The following DNAJC27 variants were observed in gnomAD, a reference collection of about 807,000 sequenced individuals.
DNAJC27 encodes dnaJ homolog subfamily C member 27.
DNAJC27 carries 25 observed loss-of-function variants against 31.4 expected under a neutral mutation model. The ratio of observed to expected loss-of-function variants is 0.80; its 90% confidence interval spans 0.58 to 1.11. The LOEUF is 1.11. Among genes scored for constraint, DNAJC27 ranks in the 50% most tolerant of loss-of-function variants. The pLI, the probability that DNAJC27 is intolerant of heterozygous loss-of-function variation, is 0.00. For synonymous variants in DNAJC27, 106 were observed against 112.7 expected (o/e 0.94, Z 0.37); for missense variants, 356 against 347.3 (o/e 1.02, Z -0.20).
rs1373028778 is a variant in DNAJC27, at chr2:24,947,624, T to C, written c.814A>G (p.Ile272Val). 1.1e-5 allele frequency: 17 copies of C among 1,604,082 alleles called. No homozygotes were observed. Among genetic ancestry groups the C allele is most frequent in the African/African-American group, 1.3e-5 (1 of 74,844 alleles). The part of the protein sequence containing the change: ...VNARTALLKN[I>V]K ...GCTTTTTTCTGTACTTTCTACTTGA[T>C]GTTTTTCAGGAGGGCTGTCCGAGCA... is the stretch of plus-strand genomic sequence containing the variant. The change falls in exon 7 of 7, where the codon ATC (isoleucine) becomes GTC (valine). Residue 272 changes from isoleucine (I) to valine (V), a missense_variant. Coordinates refer to ENST00000264711, the MANE Select transcript of DNAJC27 (RefSeq NM_016544.3).
intron 2 of DNAJC27, among the ~76,000 whole-genome samples, chr2:24,965,412 C>T (rs999836062): frequency 3.3e-5 from 5 of 151,740 alleles, no homozygotes; most frequent in South Asian, 2.1e-4. Context: ...ACTGCCACCA[C>T]GTCCGGCTAA....
At chr2:24,949,109 T>C (rs983032563) in intron 6 of DNAJC27, among the ~76,000 whole-genome samples, 2 of 152,230 alleles carry the variant, frequency 1.3e-5, no homozygotes, top group South Asian at 4.1e-4. Context: ...TGAATTTTCT[T>C]GTTCTAGCAA....
chr2:24,951,107 G>T (rs1665764383), intron 6 of DNAJC27, among the ~76,000 whole-genome samples: 1 of 152,200 alleles, frequency 6.6e-6, no homozygotes. Flanking sequence ...ATTCTCTTTT[G>T]TTAGTTCTTT....
At chr2:24,970,902 C>T (rs1355586845) in intron 1 of DNAJC27, among the ~76,000 whole-genome samples, 1 of 152,196 alleles carries the variant, frequency 6.6e-6, no homozygotes, top group African/African-American at 2.4e-5. Flanking sequence ...ATTTACTGAG[C>T]ATCTCCTGGG....
At chr2:24,947,797 C>G in intron 6 of DNAJC27, 49 bp from the exon 7 acceptor site, 2 of 1,580,294 alleles carry the variant, frequency 1.3e-6, no homozygotes, top group Non-Finnish European at 1.7e-6. Context: ...CAGCCCAACC[C>G]ACTGCATGTT....
chr2:24,962,466 G>C (rs942295606), intron 3 of DNAJC27, among the ~76,000 whole-genome samples: 1 of 152,108 alleles, frequency 6.6e-6, no homozygotes, highest in East Asian at 1.9e-4. Flanking sequence ...ATGTTGGCCA[G>C]GCTGGTCTCG....
intron 3 of DNAJC27, among the ~76,000 whole-genome samples, chr2:24,962,146 A>T (rs1666056183): frequency 6.6e-6 from 1 of 152,194 alleles, no homozygotes; most frequent in Non-Finnish European, 1.5e-5. Flanking sequence ...GAATCAAACT[A>T]GAAATCAGTA....
At position 24,957,176 on chromosome 2, in the gene DNAJC27, A is replaced by C; in HGVS notation, c.406-11T>G. On this transcript the variant is annotated splice_polypyrimidine_tract_variant and intron_variant, in intron 4 of 6. Transcript: ENST00000264711. ...TTTGGTACAATCAATCTGAAATAGA[A>C]GGGGCGGGGGACAGAGAGAAGATTA... 6.3e-7 allele frequency: 1 copy of C among 1,589,460 alleles called. No individual in the cohort carries two copies. The highest frequency in any genetic ancestry group is 8.5e-7 in the Non-Finnish European group (1 of 1,171,388).
intron 2 of DNAJC27, among the ~76,000 whole-genome samples, chr2:24,964,745 A>T (rs1267069193): frequency 1.3e-5 from 2 of 152,222 alleles, no homozygotes; most frequent in Non-Finnish European, 2.9e-5. Flanking sequence ...TAGTCTGTTG[A>T]CTATACCATG....
chr2:24,967,589 A>T (rs1666220718), intron 1 of DNAJC27, among the ~76,000 whole-genome samples: 1 of 151,996 alleles, frequency 6.6e-6, no homozygotes, highest in Non-Finnish European at 1.5e-5. Context: ...AATCCCAGCT[A>T]CTCGGGAAGC....
intron 3 of DNAJC27, 92 bp from the exon 4 acceptor site, chr2:24,958,066 T>C: frequency 8.4e-7 from 1 of 1,196,172 alleles, no homozygotes; most frequent in Non-Finnish European, 1.2e-6. Flanking sequence ...GTGTGTTCTT[T>C]TGTGTATTCT....
chr2:24,958,563 G>A, intron 3 of DNAJC27: 2 of 420,748 alleles, frequency 4.8e-6, no homozygotes, highest in South Asian at 3.7e-5. Context: ...TGTGATCTTG[G>A]GCAAGTCACT....
rs997339813 is a variant in DNAJC27, at chr2:24,958,476, GCCTCAGTGTGATA to G, written c.241-515_241-503del. ...CCAACTTTAGAACTCCAAACTCAGA[GCCTCAGTGTGATA>G]CAATGGAAAAGAGCACAGGCTCTGG... On this transcript the variant is annotated intron_variant, in intron 3 of 6. Coordinates refer to ENST00000264711, the MANE Select transcript of DNAJC27 (RefSeq NM_016544.3). The G allele has an allele frequency of 4.6e-5, 12 of 261,014 alleles. 1 individual carries two copies. Among genetic ancestry groups the G allele is most frequent in the East Asian group, 1.1e-4 (1 of 9,046 alleles). 16.2% of individuals were successfully genotyped at this position (261,014 alleles called of 1,614,324 possible). A position where few individuals can be genotyped will look rare whatever the true frequency, so the allele number is the denominator to read the frequency against.
At position 24,951,417 on chromosome 2, in the gene DNAJC27, C is replaced by T; in HGVS notation, c.666G>A (p.Leu222=). 4 of 1,613,110 alleles carry T rather than the reference C, an allele frequency of 2.5e-6. No homozygotes were observed. Among genetic ancestry groups the T allele is most frequent in the Non-Finnish European group, 3.4e-6 (4 of 1,179,498 alleles). Residue 222 remains leucine, a synonymous_variant, in exon 6 of 7, where the codon CTG becomes CTA. Coordinates refer to ENST00000264711, the MANE Select transcript of DNAJC27 (RefSeq NM_016544.3). ...IRNSKDSWDM[L]GVKPGASRDE... ...ACCTTGAGGCCCCAGGTTTGACTCC[C>T]AGCATGTCCCAACTGTCTTTACTAT...
intron 5 of DNAJC27, among the ~76,000 whole-genome samples, chr2:24,956,334 A>G (rs1401720137): frequency 6.6e-6 from 1 of 152,206 alleles, no homozygotes. Context: ...CTGACTTTAT[A>G]AGTTATTGTT....
In DNAJC27 at chr2:24,956,129, G is replaced by A. The variant is rs575800669; in HGVS notation, c.528+914C>T. Reference sequence around the variant, plus strand: ...GAAGAAATCTGTCTTCTAGCAGGAGGAGTGACATCTTGTGAGAAGGAAATT... The same window carrying A: ...GAAGAAATCTGTCTTCTAGCAGGAGAAGTGACATCTTGTGAGAAGGAAATT... On this transcript the variant is annotated intron_variant, in intron 5 of 6. Coordinates refer to ENST00000264711, the MANE Select transcript of DNAJC27 (RefSeq NM_016544.3). Among the ~76,000 whole-genome samples the A allele has an allele frequency of 2.6e-5, 4 of 152,366 alleles. No homozygotes were observed. The South Asian group carries it at 8.3e-4, about 32-fold the overall frequency.
At chr2:24,971,244 T>C (rs1029461146) in intron 1 of DNAJC27, 3 of 152,710 alleles carry the variant, frequency 2.0e-5, no homozygotes, top group South Asian at 2.0e-4. Flanking sequence ...CTAACAGATA[T>C]GGGGACACCA....
rs779934261 is a variant in DNAJC27, at chr2:24,971,859, G to C, written c.46C>G (p.Arg16Gly). The C allele has an allele frequency of 6.2e-7, 1 of 1,609,378 alleles. No homozygotes were observed. Among genetic ancestry groups the C allele is most frequent in the Admixed American group, 1.7e-5 (1 of 59,470 alleles). ...PKRKEPGRSL[R>G]IKVISMGNAE... is the part of the protein sequence containing the mutation. ...TTGCCCATGGAGATGACTTTGATGC[G>C]GAGAGACCTGCCGGGCTCCTTCCGC... Residue 16 changes from arginine (R) to glycine (G), a missense_variant, in exon 1 of 7, where the codon CGC becomes GGC. Physicochemically the swap from Arg to Gly is moderately radical, Grantham distance 125. Transcript: ENST00000264711.
In DNAJC27 at chr2:24,945,486, AG is replaced by A. The variant is rs1359249581; in HGVS notation, c.*2129del. The A allele has an allele frequency of 1.3e-5, 2 of 152,356 alleles. No homozygotes were observed. The highest frequency in any genetic ancestry group is 1.9e-4 in the East Asian group (1 of 5,184). 9.4% of individuals were successfully genotyped at this position (152,356 alleles called of 1,614,324 possible). On this transcript the variant is annotated 3_prime_UTR_variant, in exon 7 of 7. Transcript: ENST00000264711. ...TGAAAACTGGCACCAGCTTTCATAGAGGGCCACACATTCAGAGTTGTCGTGT... is the reference window on the plus strand; with the variant it reads ...TGAAAACTGGCACCAGCTTTCATAGAGGCCACACATTCAGAGTTGTCGTGT...
Sources: allele counts gnomAD v4.1 joint callset (sites outside exome capture counted in the v4.1 genomes callset), GRCh38; gene constraint gnomAD v4.1.1; transcripts MANE v1.5; gene names NCBI Gene and HGNC (gene_info 2026-07-23, HGNC 2026-07-21).